Variants in KCNQ1OT1 observed in about 807,000 individuals in gnomAD.
KCNQ1OT1 encodes KCNQ1 antisense RNA 2 (non-protein coding).
Position 2,642,300 on chromosome 11 carries a change from G to A in KCNQ1OT1, n.57695C>T. 2.5e-6 allele frequency: 1 copy of A among 398,182 alleles called. No homozygotes were observed. Among genetic ancestry groups the A allele is most frequent in the Non-Finnish European group, 4.4e-6 (1 of 225,868 alleles). 24.7% of individuals were successfully genotyped at this position (398,182 alleles called of 1,614,324 possible). A position where few individuals can be genotyped will look rare whatever the true frequency, so the allele number is the denominator to read the frequency against. ...TTTCAATTTCTTTCATCAGACTTTT[G>A]TAGTTTTCCTTGTTAGAGGTTTCTC... is the stretch of plus-strand genomic sequence containing the variant. On this transcript the variant is annotated non_coding_transcript_exon_variant, in exon 1 of 1. Coordinates refer to ENST00000597346, the Ensembl canonical transcript of KCNQ1OT1. This position sits in a 1 kb window ranked among gnomAD's most constrained non-coding sequence, Gnocchi z 4.3.
At chr11:2,648,981 C>CTTTTTTTTTTTTTTTTTTTTTTTGTTTTT (rs1849712783) in exon 1 of KCNQ1OT1, 1 of 213,306 alleles carries the variant, frequency 4.7e-6, no homozygotes, top group Non-Finnish European at 7.8e-6. Flanking sequence ...TTTTCTTTTT[C>CTTTTTTTTTTTTTTTTTTTTTTTGTTTTT]TTTTTTTTTT....
At chr11:2,622,414 T>G (rs1849189406) in exon 1 of KCNQ1OT1, 1 of 398,288 alleles carries the variant, frequency 2.5e-6, no homozygotes, top group Admixed American at 4.4e-5. Flanking sequence ...TTTTCATTCT[T>G]TCACTTTCAA....
chr11:2,688,079 C>CT (rs1431135630), exon 1 of KCNQ1OT1: 1 of 398,792 alleles, frequency 2.5e-6, no homozygotes, highest in African/African-American at 2.1e-5. Context: ...CTTCTAGGGC[C>CT]TGGGTATGCT....
Position 2,620,618 on chromosome 11 carries a change from C to A in KCNQ1OT1, n.79377G>T. 1 of 397,770 alleles carries A rather than the reference C, an allele frequency of 2.5e-6. No individual in the cohort carries two copies. Among genetic ancestry groups the A allele is most frequent in the Non-Finnish European group, 4.4e-6 (1 of 225,994 alleles). The allele number at this position is 397,770 out of a possible 1,614,324, so 24.6% of individuals were successfully genotyped here. ...ATGGGCATCTAAGTGGATTCCATGT[C>A]TTTGCTGTTGTGAATAGTGCTGTGA... On this transcript the variant is annotated non_coding_transcript_exon_variant, in exon 1 of 1. Coordinates refer to ENST00000597346, the Ensembl canonical transcript of KCNQ1OT1. The surrounding 1 kb of genome is among the most constrained non-coding windows in gnomAD (Gnocchi z 4.5).
chr11:2,611,786 C>A lies in KCNQ1OT1; in HGVS notation n.88209G>T, dbSNP rs191920458. 1.0e-5 allele frequency: 4 copies of A among 398,366 alleles called. No individual in the cohort carries two copies. The East Asian group carries it at 1.4e-4, about 14-fold the overall frequency. 24.7% of individuals were successfully genotyped at this position (398,366 alleles called of 1,614,324 possible). A position where few individuals can be genotyped will look rare whatever the true frequency, so the allele number is the denominator to read the frequency against. Reference sequence around the variant, plus strand: ...TATATGTCTCATATCACTTTTGTTCCTCTCTTCCTCCTTTACTGCCTTCTG... The same window carrying A: ...TATATGTCTCATATCACTTTTGTTCATCTCTTCCTCCTTTACTGCCTTCTG... On this transcript the variant is annotated non_coding_transcript_exon_variant, in exon 1 of 1. Coordinates refer to ENST00000597346, the Ensembl canonical transcript of KCNQ1OT1. The surrounding 1 kb of genome is among the most constrained non-coding windows in gnomAD (Gnocchi z 5.3).
chr11:2,667,157 C>CAA (rs2133863599), exon 1 of KCNQ1OT1: 1 of 398,674 alleles, frequency 2.5e-6, no homozygotes, highest in African/African-American at 2.1e-5. Flanking sequence ...CAGATGCCCT[C>CAA]AATCTGGCTT....
Position 2,642,420 on chromosome 11 carries a change from A to G in KCNQ1OT1, n.57575T>C, listed in dbSNP as rs138068250. 9 of 398,164 alleles carry G rather than the reference A, an allele frequency of 2.3e-5. No individual in the cohort carries two copies. Among genetic ancestry groups the G allele is most frequent in the East Asian group, 2.1e-4 (6 of 27,974 alleles). 24.7% of individuals were successfully genotyped at this position (398,164 alleles called of 1,614,324 possible). On this transcript the variant is annotated non_coding_transcript_exon_variant, in exon 1 of 1. Coordinates refer to ENST00000597346, the Ensembl canonical transcript of KCNQ1OT1. The surrounding 1 kb of genome is among the most constrained non-coding windows in gnomAD (Gnocchi z 4.3). ...TTCTCAGCTGGTTCTTTATTGGTATATAGAAATAAGCCTGATTTTTAAATC... is the reference window on the plus strand; with the variant it reads ...TTCTCAGCTGGTTCTTTATTGGTATGTAGAAATAAGCCTGATTTTTAAATC...
Position 2,626,904 on chromosome 11 carries a change from A to G in KCNQ1OT1, n.73091T>C. Reference sequence around the variant, plus strand: ...TTTTCAAGAATGTTTTAGCTATTCAAGGTCCCTTGAGATTCCATGTGAATT... The same window carrying G: ...TTTTCAAGAATGTTTTAGCTATTCAGGGTCCCTTGAGATTCCATGTGAATT... On this transcript the variant is annotated non_coding_transcript_exon_variant, in exon 1 of 1. Coordinates refer to ENST00000597346, the Ensembl canonical transcript of KCNQ1OT1. This position sits in a 1 kb window ranked among gnomAD's most constrained non-coding sequence, Gnocchi z 4.0. 1 of 398,614 alleles carries G rather than the reference A, an allele frequency of 2.5e-6. No individual in the cohort carries two copies. The highest frequency in any genetic ancestry group is 4.4e-6 in the Non-Finnish European group (1 of 226,062). 24.7% of individuals were successfully genotyped at this position (398,614 alleles called of 1,614,324 possible).
chr11:2,688,546 C>A, exon 1 of KCNQ1OT1: 2 of 398,710 alleles, frequency 5.0e-6, no homozygotes, highest in South Asian at 2.6e-4. Context: ...GCCCTAGTGT[C>A]AAGGTTCCAC....
Position 2,623,798 on chromosome 11 carries a change from G to C in KCNQ1OT1, n.76197C>G. The C allele has an allele frequency of 2.5e-6, 1 of 398,512 alleles. No homozygotes were observed. Among genetic ancestry groups the C allele is most frequent in the Non-Finnish European group, 4.4e-6 (1 of 226,028 alleles). 24.7% of individuals were successfully genotyped at this position (398,512 alleles called of 1,614,324 possible). A position where few individuals can be genotyped will look rare whatever the true frequency, so the allele number is the denominator to read the frequency against. ...TTGAGTAAATACCAAGGATGTGATT[G>C]CTGAACTGCATGGTAAGAATATGTT... On this transcript the variant is annotated non_coding_transcript_exon_variant, in exon 1 of 1. Coordinates refer to ENST00000597346, the Ensembl canonical transcript of KCNQ1OT1. This position sits in a 1 kb window ranked among gnomAD's most constrained non-coding sequence, Gnocchi z 5.2.
In KCNQ1OT1 at chr11:2,642,504, G is replaced by T. The variant is rs565842401; in HGVS notation, n.57491C>A. 737 of 397,906 alleles carry T rather than the reference G, an allele frequency of 1.9e-3. 2 individuals carry two copies. Among genetic ancestry groups the T allele is most frequent in the Admixed American group, 3.0e-3 (68 of 22,714 alleles). 24.6% of individuals were successfully genotyped at this position (397,906 alleles called of 1,614,324 possible). A position where few individuals can be genotyped will look rare whatever the true frequency, so the allele number is the denominator to read the frequency against. On this transcript the variant is annotated non_coding_transcript_exon_variant, in exon 1 of 1. Coordinates refer to ENST00000597346, the Ensembl canonical transcript of KCNQ1OT1. The surrounding 1 kb of genome is among the most constrained non-coding windows in gnomAD (Gnocchi z 4.3). ...AGAGTTTTGATTTTTGTATTTCATG[G>T]TATGAGTTGTAATATCCCCTTTTTC...
At position 2,608,916 on chromosome 11, in the gene KCNQ1OT1, C is replaced by G. The variant is rs1174018050; in HGVS notation, n.91079G>C. The G allele has an allele frequency of 2.5e-6, 1 of 398,354 alleles. No homozygotes were observed. The highest frequency in any genetic ancestry group is 4.4e-6 in the Non-Finnish European group (1 of 226,052). 24.7% of individuals were successfully genotyped at this position (398,354 alleles called of 1,614,324 possible). ...TCCTCCTCCCCCTCTTTCTTCCTCCCCTTCTTTTCTTCTCCCTCTCCCTCT... is the reference window on the plus strand; with the variant it reads ...TCCTCCTCCCCCTCTTTCTTCCTCCGCTTCTTTTCTTCTCCCTCTCCCTCT... On this transcript the variant is annotated non_coding_transcript_exon_variant, in exon 1 of 1. Coordinates refer to ENST00000597346, the Ensembl canonical transcript of KCNQ1OT1. The surrounding 1 kb of genome is among the most constrained non-coding windows in gnomAD (Gnocchi z 4.6).
chr11:2,642,642 T>A lies in KCNQ1OT1; in HGVS notation n.57353A>T, dbSNP rs1849597423. ...TTTGCATTTCATTGATCCTTTATAT[T>A]TATTTAGTTTCTTGTTTAGTTCTGC... On this transcript the variant is annotated non_coding_transcript_exon_variant, in exon 1 of 1. Transcript: ENST00000597346. The surrounding 1 kb of genome is among the most constrained non-coding windows in gnomAD (Gnocchi z 4.3). 1 of 397,930 alleles carries A rather than the reference T, an allele frequency of 2.5e-6. No individual in the cohort carries two copies. 24.6% of individuals were successfully genotyped at this position (397,930 alleles called of 1,614,324 possible).
exon 1 of KCNQ1OT1, chr11:2,667,345 C>T (rs1850095397): frequency 2.5e-6 from 1 of 398,568 alleles, no homozygotes; most frequent in African/African-American, 2.1e-5. Flanking sequence ...CTTCTCATTT[C>T]CTCTGCAAGG....
exon 1 of KCNQ1OT1, chr11:2,699,962 A>G (rs1014223131): frequency 5.0e-6 from 2 of 398,288 alleles, no homozygotes; most frequent in Non-Finnish European, 8.9e-6. Context: ...AGCTCCCTGG[A>G]GGTCCGTGCT....
In KCNQ1OT1 at chr11:2,687,482, G is replaced by A; in HGVS notation, n.12513C>T. ...AGAGCTGCTGCAGCATTTCAATAGG[G>A]CCATCCCAGGCACCCTAGGACTTGA... On this transcript the variant is annotated non_coding_transcript_exon_variant, in exon 1 of 1. Coordinates refer to ENST00000597346, the Ensembl canonical transcript of KCNQ1OT1. This position sits in a 1 kb window ranked among gnomAD's most constrained non-coding sequence, Gnocchi z 5.0. The A allele has an allele frequency of 2.5e-6, 1 of 398,778 alleles. No individual in the cohort carries two copies. Among genetic ancestry groups the A allele is most frequent in the Non-Finnish European group, 4.4e-6 (1 of 226,244 alleles). 24.7% of individuals were successfully genotyped at this position (398,778 alleles called of 1,614,324 possible).
rs1269874250 is a variant in KCNQ1OT1, at chr11:2,678,665, CAGGGG to C, written n.21325_21329del. The C allele has an allele frequency of 2.5e-6, 1 of 398,446 alleles. No homozygotes were observed. Among genetic ancestry groups the C allele is most frequent in the Non-Finnish European group, 4.4e-6 (1 of 226,082 alleles). The allele number at this position is 398,446 out of a possible 1,614,324, so 24.7% of individuals were successfully genotyped here. A position where few individuals can be genotyped will look rare whatever the true frequency, so the allele number is the denominator to read the frequency against. On this transcript the variant is annotated non_coding_transcript_exon_variant, in exon 1 of 1. Transcript: ENST00000597346. This position sits in a 1 kb window ranked among gnomAD's most constrained non-coding sequence, Gnocchi z 4.9. ...GCTCATTTTCACAAATGCAGTCAAC[CAGGGG>C]AATTCATGGCATGGCCTAAGATCTA...
At position 2,624,423 on chromosome 11, in the gene KCNQ1OT1, A is replaced by C; in HGVS notation, n.75572T>G. 2.5e-6 allele frequency: 1 copy of C among 398,442 alleles called. No homozygotes were observed. Among genetic ancestry groups the C allele is most frequent in the Non-Finnish European group, 4.4e-6 (1 of 226,010 alleles). The allele number at this position is 398,442 out of a possible 1,614,324, so 24.7% of individuals were successfully genotyped here. The stretch of plus-strand genomic sequence containing the variant: ...AGAGCAGAAACTTTTATTTTTAACA[A>C]AGTCTAGCTTATCAATTATTTCTTT... On this transcript the variant is annotated non_coding_transcript_exon_variant, in exon 1 of 1. Coordinates refer to ENST00000597346, the Ensembl canonical transcript of KCNQ1OT1. This position sits in a 1 kb window ranked among gnomAD's most constrained non-coding sequence, Gnocchi z 4.9.
At chr11:2,640,065 A>G (rs1260893935) in exon 1 of KCNQ1OT1, 1 of 202,274 alleles carries the variant, frequency 4.9e-6, no homozygotes, top group African/African-American at 2.3e-5. Flanking sequence ...AAAGCACAGT[A>G]TTAGGGTGGG....
Sources: allele counts gnomAD v4.1 joint callset, GRCh38; gene constraint gnomAD v4.1.1; non-coding constraint Gnocchi (gnomAD v3.1); transcripts MANE v1.5; gene names NCBI Gene and HGNC (gene_info 2026-07-23, HGNC 2026-07-21).